The following CNNM2 variants were observed in gnomAD, a reference collection of about 807,000 sequenced individuals.
CNNM2 encodes cyclin and CBS domain divalent metal cation transport mediator 2.
A neutral mutation model predicts 66.9 loss-of-function variants in CNNM2; 12 were observed. The ratio of observed to expected loss-of-function variants is 0.18; its 90% CI spans 0.11 to 0.29. The LOEUF (loss-of-function observed/expected upper bound fraction) is 0.29, where lower values mean the gene tolerates loss of function less well. CNNM2 is among the 10% of genes least tolerant of loss of function. The pLI is 1.00. For missense variants in CNNM2, 705 were observed against 1,167.7 expected (o/e 0.60, Z 5.77); for synonymous variants, 557 against 501.8 (o/e 1.11, Z -1.47).
intron 1 of CNNM2, among the ~76,000 whole-genome samples, chr10:103,024,586 C>T (rs950706074): frequency 6.6e-6 from 1 of 152,080 alleles, no homozygotes; most frequent in East Asian, 1.9e-4. Context: ...TCAAGCGATT[C>T]TCCTGCCTCA....
intron 1 of CNNM2, among the ~76,000 whole-genome samples, chr10:102,932,832 G>A (rs567433379): frequency 2.0e-5 from 3 of 149,838 alleles, no homozygotes; most frequent in East Asian, 2.0e-4. Context: ...CAGGAGAATC[G>A]CTTTAACCCA....
intron 1 of CNNM2, among the ~76,000 whole-genome samples, chr10:103,010,800 A>G (rs749287790): frequency 1.3e-5 from 2 of 151,936 alleles, no homozygotes; most frequent in East Asian, 1.9e-4. Flanking sequence ...TTTAGTAGAG[A>G]CAGGGTTTCA....
intron 1 of CNNM2, among the ~76,000 whole-genome samples, chr10:102,943,530 T>C (rs1846502860): frequency 1.3e-5 from 2 of 152,222 alleles, no homozygotes; most frequent in Non-Finnish European, 2.9e-5. Context: ...TATATGCATC[T>C]AATTTTCTTC....
chr10:102,975,241 C>T lies in CNNM2; in HGVS notation c.1621+55140C>T, dbSNP rs369505528. On this transcript the variant is annotated intron_variant, in intron 1 of 7. Coordinates refer to ENST00000369878, the MANE Select transcript of CNNM2 (RefSeq NM_017649.5). ...TCACTAACAAGTGTTCACTTTTCCT[C>T]ATTATAAATGGAAAAGGCAAGAAAC... Among the ~76,000 whole-genome samples, 5 of 152,228 alleles carry T rather than the reference C, an allele frequency of 3.3e-5. No homozygotes were observed. The East Asian group carries it at 9.6e-4, about 29-fold the overall frequency.
chr10:103,071,445 C>A (rs1201183567), intron 5 of CNNM2, among the ~76,000 whole-genome samples: 1 of 152,156 alleles, frequency 6.6e-6, no homozygotes, highest in Non-Finnish European at 1.5e-5. Context: ...AATCGAGCTC[C>A]CCTTTTGCGC....
At chr10:103,030,972 G>T (rs1391252525) in intron 1 of CNNM2, among the ~76,000 whole-genome samples, 1 of 152,176 alleles carries the variant, frequency 6.6e-6, no homozygotes. Context: ...AGGAGGACCA[G>T]ATGGACAGAT....
intron 1 of CNNM2, among the ~76,000 whole-genome samples, chr10:103,000,238 A>AAAACAAAT (rs1554897139): frequency 2.9e-5 from 4 of 137,390 alleles, no homozygotes; most frequent in Admixed American, 7.4e-5. Context: ...CTCCGTCTCA[A>AAAACAAAT]AAACAAATAA....
At chr10:103,029,118 G>A (rs1468081679) in intron 1 of CNNM2, among the ~76,000 whole-genome samples, 3 of 151,488 alleles carry the variant, frequency 2.0e-5, no homozygotes, top group Non-Finnish European at 4.4e-5. Context: ...CACCGTGCCC[G>A]GCCCCCACTC....
intron 1 of CNNM2, chr10:102,927,422 A>G (rs747445459): frequency 3.1e-6 from 5 of 1,612,872 alleles, no homozygotes; most frequent in South Asian, 1.1e-5. Flanking sequence ...TTTCAACATC[A>G]CAGACATTGG....
At chr10:103,076,930 C>G in intron 7 of CNNM2, 41 bp from the exon 8 acceptor site, 1 of 1,560,402 alleles carries the variant, frequency 6.4e-7, no homozygotes. Flanking sequence ...TAAAAATAAG[C>G]ATTATCTTGG....
chr10:103,037,108 TTAAAA>T lies in CNNM2; in HGVS notation c.1622-12592_1622-12588del, dbSNP rs571395427. Among the ~76,000 whole-genome samples, 30 of 152,110 alleles carry T rather than the reference TTAAAA, an allele frequency of 2.0e-4. 1 individual carries two copies. The South Asian group carries it at 3.9e-3, about 20-fold the overall frequency. On this transcript the variant is annotated intron_variant, in intron 1 of 7. Coordinates refer to ENST00000369878, the MANE Select transcript of CNNM2 (RefSeq NM_017649.5). ...ATGTGAATATACAATTGTTTCAAAA[TTAAAA>T]TAAAATGTTCCATTTTGTAACAGCA...
chr10:102,944,084 CTTTTT>C (rs199757273), intron 1 of CNNM2, among the ~76,000 whole-genome samples: 1 of 135,294 alleles, frequency 7.4e-6, no homozygotes. Flanking sequence ...TTTCATAATT[CTTTTT>C]TTTTTTTTTT....
At position 103,027,107 on chromosome 10, in the gene CNNM2, C is replaced by T. The variant is rs181527090; in HGVS notation, c.1622-22600C>T. 4.5e-3 allele frequency among the ~76,000 whole-genome samples: 689 copies of T among 152,296 alleles called. 26 individuals carry two copies. Among genetic ancestry groups the T allele is most frequent in the Admixed American group, 0.043 (652 of 15,286 alleles). ...ATTTATTATTTCATTGGCTTTTCCC[C>T]TTCTCATTCCCTCAGTCTTTGAGTC... On this transcript the variant is annotated intron_variant, in intron 1 of 7. Transcript: ENST00000369878.
At chr10:102,980,211 G>C (rs1239026035) in intron 1 of CNNM2, among the ~76,000 whole-genome samples, 1 of 152,122 alleles carries the variant, frequency 6.6e-6, no homozygotes, top group African/African-American at 2.4e-5. Flanking sequence ...CCAGAGTGCT[G>C]GGATTACAGG....
At chr10:103,047,754 T>G (rs975619668) in intron 1 of CNNM2, among the ~76,000 whole-genome samples, 4 of 152,202 alleles carry the variant, frequency 2.6e-5, no homozygotes, top group African/African-American at 9.6e-5. Flanking sequence ...TTGGAAAATA[T>G]TGGTTCACTG....
chr10:103,062,675 T>G (rs1306628770), intron 4 of CNNM2, among the ~76,000 whole-genome samples: 1 of 152,222 alleles, frequency 6.6e-6, no homozygotes, highest in Non-Finnish European at 1.5e-5. Flanking sequence ...GCTGCTGCCC[T>G]GCGAGCTCCC....
chr10:102,942,168 C>A (rs1846456758), intron 1 of CNNM2, among the ~76,000 whole-genome samples: 1 of 152,148 alleles, frequency 6.6e-6, no homozygotes, highest in South Asian at 2.1e-4. Context: ...TATTTTTAAA[C>A]ATTTCTGTAA....
At chr10:102,950,952 C>T (rs1280762055) in intron 1 of CNNM2, among the ~76,000 whole-genome samples, 1 of 149,740 alleles carries the variant, frequency 6.7e-6, no homozygotes, top group Non-Finnish European at 1.5e-5. Context: ...ATTAGTTCCT[C>T]CTGGGGGCAA....
intron 1 of CNNM2, among the ~76,000 whole-genome samples, chr10:102,954,569 A>G (rs896243477): frequency 2.0e-5 from 3 of 152,158 alleles, no homozygotes; most frequent in African/African-American, 7.2e-5. Flanking sequence ...TATGCAGTGC[A>G]CAATGCTGCT....
Sources: gnomAD v4.1 joint callset for allele counts (sites outside exome capture counted in the v4.1 genomes callset) on GRCh38, gnomAD v4.1.1 for gene constraint, MANE v1.5 for transcripts, NCBI Gene and HGNC (gene_info 2026-07-23, HGNC 2026-07-21) for gene names.